The following SOBP variants were observed in gnomAD, a reference collection of about 807,000 sequenced individuals.
SOBP encodes the protein sine oculis-binding protein homolog.
SOBP carries 4 observed loss-of-function variants against 53.6 expected under a neutral mutation model. The observed-to-expected ratio is 0.07, with a 90% CI of 0.04 to 0.17. SOBP has a LOEUF of 0.17. Among genes scored for constraint, SOBP ranks in the 10% least tolerant of loss-of-function variants. The pLI, the probability that SOBP is intolerant of heterozygous loss-of-function variation, is 1.00. For synonymous variants in SOBP, 584 were observed against 522.6 expected (o/e 1.12, Z -1.60); for missense variants, 1,088 against 1,204.7 (o/e 0.90, Z 1.43).
intron 1 of SOBP, among the ~76,000 whole-genome samples, chr6:107,499,736 C>A (rs1394158950): frequency 2.0e-5 from 3 of 152,184 alleles, no homozygotes; most frequent in Non-Finnish European, 4.4e-5. Context: ...GGGAGGCACT[C>A]TTAAGAGACT....
At chr6:107,584,307 G>A (rs1290751359) in intron 4 of SOBP, among the ~76,000 whole-genome samples, 1 of 150,396 alleles carries the variant, frequency 6.6e-6, no homozygotes, top group Non-Finnish European at 1.5e-5. Flanking sequence ...CTGGGGTAGC[G>A]AATTCCTGTG....
intron 4 of SOBP, among the ~76,000 whole-genome samples, chr6:107,560,088 C>T (rs1025148301): frequency 6.6e-6 from 1 of 152,144 alleles, no homozygotes; most frequent in Non-Finnish European, 1.5e-5. Context: ...AATAATGGTA[C>T]GTGCCTTAGA....
intron 1 of SOBP, among the ~76,000 whole-genome samples, chr6:107,497,231 T>C (rs992700865): frequency 3.3e-5 from 5 of 152,256 alleles, no homozygotes; most frequent in Admixed American, 6.5e-5. Flanking sequence ...GTAGCATTTT[T>C]CCCCCATGCT....
In SOBP at chr6:107,533,398, G is replaced by T. The variant is rs555231120; in HGVS notation, c.422-61G>T. 18 of 1,592,300 alleles carry T rather than the reference G, an allele frequency of 1.1e-5. No homozygotes were observed. In the African/African-American group the frequency reaches 1.6e-4, roughly 14 times the overall value. ...GGTAGCTCTGTCAGGTTCAGGGTGT[G>T]TCTAAATTTGAAGGGATGTTTGCTT... On this transcript the variant is annotated intron_variant, in intron 3 of 6. Transcript: ENST00000317357.
chr6:107,511,843 C>T (rs73516904), intron 3 of SOBP: 3 of 152,406 alleles, frequency 2.0e-5, no homozygotes, highest in South Asian at 2.1e-4. Flanking sequence ...CCTTTCCCCC[C>T]ACAGAGACAG....
chr6:107,491,051 C>T (rs1024468495), intron 1 of SOBP, among the ~76,000 whole-genome samples: 2 of 152,102 alleles, frequency 1.3e-5, no homozygotes, highest in Admixed American at 1.3e-4. Context: ...CAGTTTCTCC[C>T]CCCTTTTTGA....
intron 3 of SOBP, among the ~76,000 whole-genome samples, chr6:107,528,364 C>A (rs1783724514): frequency 6.6e-6 from 1 of 152,114 alleles, no homozygotes; most frequent in Non-Finnish European, 1.5e-5. Context: ...CATGGAAAGC[C>A]AGTCTTATCC....
rs778864419 is a variant in SOBP, at chr6:107,634,569, C to G, written c.1725C>G (p.Gly575=). Residue 575 remains glycine, a synonymous_variant, in exon 6 of 7, where the codon GGC becomes GGG. Transcript: ENST00000317357. This position sits in a 1 kb window ranked among gnomAD's most constrained non-coding sequence, Gnocchi z 4.5. The part of the protein sequence containing the change: ...NAPGDSAAAG[G]KPSGHSLSPR... ...CTGGCGACTCCGCGGCGGCGGGCGG[C>G]AAGCCAAGCGGACACTCCCTGTCCC... 170 of 1,605,746 alleles carry G rather than the reference C, an allele frequency of 1.1e-4. 1 individual carries two copies. Among genetic ancestry groups the G allele is most frequent in the Non-Finnish European group, 1.3e-4 (155 of 1,179,740 alleles).
chr6:107,639,298 A>G lies in SOBP; in HGVS notation c.*3+3829A>G, dbSNP rs146758885. ...GAGGCAGCTACAGTTGTCTTCAAGG[A>G]AGTCTTATTTGCTAGTTCTTTGTAA... On this transcript the variant is annotated intron_variant, in intron 6 of 6. Coordinates refer to ENST00000317357, the MANE Select transcript of SOBP (RefSeq NM_018013.4). 1.6e-4 allele frequency among the ~76,000 whole-genome samples: 24 copies of G among 152,290 alleles called. No homozygotes were observed. The East Asian group carries it at 4.0e-3, about 26-fold the overall frequency.
At chr6:107,594,078 C>G (rs947598220) in intron 5 of SOBP, among the ~76,000 whole-genome samples, 1 of 152,126 alleles carries the variant, frequency 6.6e-6, no homozygotes, top group African/African-American at 2.4e-5. Flanking sequence ...GACTCTTAAG[C>G]CAGATTATTT....
At chr6:107,514,515 C>T (rs1368277197) in intron 3 of SOBP, 4 of 152,068 alleles carry the variant, frequency 2.6e-5, no homozygotes, top group Admixed American at 2.6e-4. Flanking sequence ...ATTAAGGGTT[C>T]TTAAAAATGT....
chr6:107,577,947 G>A (rs1268637495), intron 4 of SOBP, among the ~76,000 whole-genome samples: 1 of 152,066 alleles, frequency 6.6e-6, no homozygotes, highest in Non-Finnish European at 1.5e-5. Context: ...GGTGGCAGAT[G>A]CCTATAGTCC....
chr6:107,565,631 C>T lies in SOBP; in HGVS notation c.574-21449C>T, dbSNP rs1188734352. On this transcript the variant is annotated intron_variant, in intron 4 of 6. Coordinates refer to ENST00000317357, the MANE Select transcript of SOBP (RefSeq NM_018013.4). ...ATAGGTGTGGGATGAATGGGTAGAG[C>T]CCCCAGAGAGGAGGAAGAGTGCTAG... Among the ~76,000 whole-genome samples the T allele has an allele frequency of 3.3e-5, 5 of 152,158 alleles. No individual in the cohort carries two copies. In the East Asian group the frequency reaches 9.6e-4, roughly 29 times the overall value.
intron 4 of SOBP, among the ~76,000 whole-genome samples, chr6:107,539,180 C>A (rs768923294): frequency 1.4e-4 from 22 of 152,196 alleles, no homozygotes; most frequent in Non-Finnish European, 3.2e-4. Context: ...GCAACCACTT[C>A]TAGTTTTTAA....
intron 6 of SOBP, among the ~76,000 whole-genome samples, chr6:107,637,083 TG>T (rs1771079249): frequency 6.6e-6 from 1 of 152,168 alleles, no homozygotes; most frequent in African/African-American, 2.4e-5. Context: ...AACCCTCAGT[TG>T]TCATAGGGGA....
chr6:107,634,107 C>T lies in SOBP; in HGVS notation c.1263C>T (p.Asn421=), dbSNP rs1770849274. 13 of 1,602,792 alleles carry T rather than the reference C, an allele frequency of 8.1e-6. No homozygotes were observed. Among genetic ancestry groups the T allele is most frequent in the Middle Eastern group, 1.7e-4 (1 of 5,990 alleles). The change falls in exon 6 of 7, where the codon AAC becomes AAT. Residue 421 remains asparagine (N), a synonymous_variant. Coordinates refer to ENST00000317357, the MANE Select transcript of SOBP (RefSeq NM_018013.4). This position sits in a 1 kb window ranked among gnomAD's most constrained non-coding sequence, Gnocchi z 4.5. The part of the protein sequence containing the change: ...FIRGPPHHAS[N]PNSPLSNPML... ...GCGGGCCTCCGCACCATGCCTCCAA[C>T]CCCAACAGCCCCCTGTCCAACCCCA...
chr6:107,590,420 C>T (rs531474317), intron 5 of SOBP, among the ~76,000 whole-genome samples: 1 of 152,236 alleles, frequency 6.6e-6, no homozygotes, highest in South Asian at 2.1e-4. Flanking sequence ...ACAACAGCAA[C>T]TGATGGAGTA....
chr6:107,574,625 G>A (rs974318841), intron 4 of SOBP, among the ~76,000 whole-genome samples: 4 of 152,088 alleles, frequency 2.6e-5, no homozygotes, highest in African/African-American at 4.8e-5. Flanking sequence ...GGTTTCTCAC[G>A]CTGAATCACA....
chr6:107,528,140 A>T (rs1164841750), intron 3 of SOBP, among the ~76,000 whole-genome samples: 1 of 152,228 alleles, frequency 6.6e-6, no homozygotes, highest in Non-Finnish European at 1.5e-5. Context: ...TTCATTTCAA[A>T]GCATAAATCA....
Sources: gnomAD v4.1 joint callset for allele counts (sites outside exome capture counted in the v4.1 genomes callset) on GRCh38, gnomAD v4.1.1 for gene constraint, Gnocchi (gnomAD v3.1) non-coding constraint, MANE v1.5 for transcripts, NCBI Gene and HGNC (gene_info 2026-07-23, HGNC 2026-07-21) for gene names.